Variants in GALNT10 observed in about 807,000 individuals in gnomAD.
GALNT10 encodes the protein GalNAc transferase 10.
In GALNT10, 41 loss-of-function variants were observed where a neutral mutation model predicts 75.0. The observed-to-expected ratio is 0.55, with a 90% CI of 0.43 to 0.71. GALNT10 has a LOEUF of 0.71. GALNT10 is among the 30% of genes least tolerant of loss of function. The pLI is 0.00. For synonymous variants in GALNT10, 302 were observed against 313.0 expected (o/e 0.96, Z 0.37); for missense variants, 727 against 818.5 (o/e 0.89, Z 1.36).
intron 3 of GALNT10, among the ~76,000 whole-genome samples, chr5:154,300,039 T>A (rs1754337962): frequency 6.6e-6 from 1 of 152,160 alleles, no homozygotes; most frequent in East Asian, 1.9e-4. Flanking sequence ...TCTCGCTATG[T>A]TGCCTAGGCT....
intron 3 of GALNT10, among the ~76,000 whole-genome samples, chr5:154,306,317 T>C (rs1004308757): frequency 2.0e-5 from 3 of 152,184 alleles, no homozygotes; most frequent in African/African-American, 7.2e-5. Flanking sequence ...ATTCAAGTGA[T>C]ACAAAGTATC....
At chr5:154,381,850 C>T (rs1469749939) in intron 6 of GALNT10, among the ~76,000 whole-genome samples, 4 of 152,210 alleles carry the variant, frequency 2.6e-5, no homozygotes, top group Non-Finnish European at 5.9e-5. Context: ...CTCTGACTTT[C>T]CTGCCTCCTT....
chr5:154,385,946 A>G lies in GALNT10; in HGVS notation c.939-367A>G, dbSNP rs1755800863. ...CTCTCTAAGAGATTCTACAACACAG[A>G]CAGGCTTGGAGAGACCCCCAACTTG... is the stretch of plus-strand genomic sequence containing the variant. On this transcript the variant is annotated intron_variant, in intron 6 of 11. Coordinates refer to ENST00000297107, the MANE Select transcript of GALNT10 (RefSeq NM_198321.4). Among the ~76,000 whole-genome samples, 4 of 152,204 alleles carry G rather than the reference A, an allele frequency of 2.6e-5. No homozygotes were observed. The South Asian group carries it at 8.3e-4, about 31-fold the overall frequency.
chr5:154,390,321 C>CT (rs1755874231), intron 7 of GALNT10, among the ~76,000 whole-genome samples: 1 of 152,194 alleles, frequency 6.6e-6, no homozygotes, highest in Admixed American at 6.5e-5. Flanking sequence ...GACCCTAGTC[C>CT]TCGCCTTTCT....
intron 1 of GALNT10, among the ~76,000 whole-genome samples, chr5:154,281,242 G>A (rs2113054464): frequency 6.6e-6 from 1 of 152,198 alleles, no homozygotes; most frequent in East Asian, 1.9e-4. Context: ...CTGTAGCAGT[G>A]TTTTGTAGTT....
intron 1 of GALNT10, among the ~76,000 whole-genome samples, chr5:154,259,846 G>C (rs866966935): frequency 5.8e-4 from 89 of 152,180 alleles, no homozygotes; most frequent in African/African-American, 2.1e-3. Context: ...CCAACAACAT[G>C]AAGTATAACT....
intron 3 of GALNT10, among the ~76,000 whole-genome samples, chr5:154,320,578 C>A (rs541950557): frequency 6.6e-6 from 1 of 152,092 alleles, no homozygotes; most frequent in Non-Finnish European, 1.5e-5. Context: ...CTTTCTTGGC[C>A]GCAAAGGATT....
chr5:154,286,014 C>G (rs144245184), intron 1 of GALNT10, among the ~76,000 whole-genome samples: 55 of 152,312 alleles, frequency 3.6e-4, no homozygotes, highest in African/African-American at 1.3e-3. Flanking sequence ...ACCTGTAATC[C>G]AATTTTCTCA....
At chr5:154,326,453 A>C (rs140566996) in intron 3 of GALNT10, among the ~76,000 whole-genome samples, 2 of 152,258 alleles carry the variant, frequency 1.3e-5, no homozygotes, top group African/African-American at 2.4e-5. Context: ...ATGAATGTTC[A>C]TATTCATGTT....
chr5:154,304,781 G>A (rs1414170507), intron 3 of GALNT10, among the ~76,000 whole-genome samples: 2 of 152,182 alleles, frequency 1.3e-5, no homozygotes, highest in African/African-American at 2.4e-5. Flanking sequence ...AAAGATTGAA[G>A]GGGAGAAATG....
chr5:154,261,085 C>T (rs979735068), intron 1 of GALNT10, among the ~76,000 whole-genome samples: 15 of 152,196 alleles, frequency 9.9e-5, no homozygotes, highest in Non-Finnish European at 1.6e-4. Context: ...CATTGTTAAA[C>T]AGCTGTGTCC....
intron 4 of GALNT10, among the ~76,000 whole-genome samples, chr5:154,346,539 G>A (rs912230056): frequency 2.0e-5 from 3 of 152,144 alleles, no homozygotes; most frequent in Admixed American, 1.3e-4. Flanking sequence ...AACATTTTTA[G>A]TCATCTAACA....
intron 1 of GALNT10, among the ~76,000 whole-genome samples, chr5:154,287,230 C>T (rs58007470): frequency 0.22 from 32,854 of 152,174 alleles, 3,784 homozygotes; most frequent in African/African-American, 0.24. Context: ...ACCTGCCAAG[C>T]AGCTCAAATG....
chr5:154,204,153 C>T (rs539486614), intron 1 of GALNT10, among the ~76,000 whole-genome samples: 2 of 152,264 alleles, frequency 1.3e-5, no homozygotes, highest in South Asian at 2.1e-4. Flanking sequence ...TAGTTGGGTC[C>T]CTGACTCAGC....
intron 1 of GALNT10, among the ~76,000 whole-genome samples, chr5:154,215,454 A>G (rs1435603627): frequency 1.3e-5 from 2 of 152,232 alleles, no homozygotes; most frequent in African/African-American, 4.8e-5. Flanking sequence ...TGCACTCTCC[A>G]GCCTGGGCGA....
chr5:154,305,385 A>G (rs1754419169), intron 3 of GALNT10, among the ~76,000 whole-genome samples: 1 of 152,166 alleles, frequency 6.6e-6, no homozygotes, highest in African/African-American at 2.4e-5. Flanking sequence ...TTAAATGTAA[A>G]TGCTCTAATT....
At chr5:154,326,516 T>A (rs1213707507) in intron 3 of GALNT10, among the ~76,000 whole-genome samples, 1 of 152,176 alleles carries the variant, frequency 6.6e-6, no homozygotes, top group Non-Finnish European at 1.5e-5. Flanking sequence ...AATTGATGAA[T>A]AGATAAATAA....
intron 1 of GALNT10, among the ~76,000 whole-genome samples, chr5:154,263,062 T>G (rs528478821): frequency 8.5e-5 from 13 of 152,330 alleles, no homozygotes; most frequent in Non-Finnish European, 1.9e-4. Context: ...CTATAAGTGA[T>G]GTAGCCACTT....
chr5:154,258,595 C>T (rs1207592031), intron 1 of GALNT10, among the ~76,000 whole-genome samples: 13 of 152,194 alleles, frequency 8.5e-5, no homozygotes, highest in Admixed American at 7.9e-4. Context: ...CTGATTCTAG[C>T]CTGTGACCCT....
Sources: gnomAD v4.1 joint callset for allele counts (sites outside exome capture counted in the v4.1 genomes callset) on GRCh38, gnomAD v4.1.1 for gene constraint, MANE v1.5 for transcripts, NCBI Gene and HGNC (gene_info 2026-07-23, HGNC 2026-07-21) for gene names.